BRINP3: variants seen among roughly 807,000 people sequenced by gnomAD.
BRINP3 encodes BMP/retinoic acid-inducible neural-specific protein 3.
A neutral mutation model predicts 71.0 loss-of-function variants in BRINP3; 19 were observed. The ratio of observed to expected loss-of-function variants is 0.27; its 90% CI spans 0.19 to 0.39. BRINP3 has a LOEUF of 0.39. Ranked by LOEUF, BRINP3 falls within the 10% of genes least tolerant of loss-of-function variation. The probability of loss-of-function intolerance (pLI) is 1.00; values close to 1 mark genes in which losing one functional copy is unlikely to be tolerated. For missense variants in BRINP3, 959 were observed against 940.8 expected, an observed-to-expected ratio of 1.02 and a Z score of -0.25; for synonymous variants, 380 against 337.7, an observed-to-expected ratio of 1.13 and a Z score of -1.37.
intron 4 of BRINP3, among the ~76,000 whole-genome samples, chr1:190,260,792 A>T (rs1661120526): frequency 6.6e-6 from 1 of 152,124 alleles, no homozygotes; most frequent in Non-Finnish European, 1.5e-5. Context: ...TTAACTATGC[A>T]GCAGTAAAAA....
At chr1:190,285,548 G>A (rs867225019) in intron 2 of BRINP3, among the ~76,000 whole-genome samples, 3 of 152,004 alleles carry the variant, frequency 2.0e-5, no homozygotes, top group Non-Finnish European at 4.4e-5. Context: ...GCAGTGAACC[G>A]AGATCATGCC....
intron 2 of BRINP3, among the ~76,000 whole-genome samples, chr1:190,422,116 T>C (rs1198765884): frequency 6.6e-6 from 1 of 151,786 alleles, no homozygotes; most frequent in Admixed American, 6.6e-5. Flanking sequence ...TAACATTTTT[T>C]TTACATCTCA....
At chr1:190,193,959 T>A (rs1444464053) in intron 6 of BRINP3, among the ~76,000 whole-genome samples, 1 of 152,092 alleles carries the variant, frequency 6.6e-6, no homozygotes, top group Admixed American at 6.6e-5. Flanking sequence ...CCTCCGGTAT[T>A]TTCCACTAAC....
intron 2 of BRINP3, among the ~76,000 whole-genome samples, chr1:190,447,951 A>C (rs985349496): frequency 2.0e-5 from 3 of 151,696 alleles, no homozygotes; most frequent in Non-Finnish European, 3.0e-5. Flanking sequence ...CACAAGAGAT[A>C]CCTCAAACGT....
chr1:190,409,345 G>T (rs1335816654), intron 2 of BRINP3, among the ~76,000 whole-genome samples: 2 of 152,180 alleles, frequency 1.3e-5, no homozygotes, highest in East Asian at 1.9e-4. Context: ...AATGCCTGTA[G>T]GTTAAAAAAT....
chr1:190,317,909 T>C (rs1427205253), intron 2 of BRINP3, among the ~76,000 whole-genome samples: 1 of 152,150 alleles, frequency 6.6e-6, no homozygotes, highest in East Asian at 1.9e-4. Flanking sequence ...AATAAATTTA[T>C]CTGTTACATG....
intron 4 of BRINP3, among the ~76,000 whole-genome samples, chr1:190,258,518 A>C (rs1407950907): frequency 6.6e-6 from 1 of 152,240 alleles, no homozygotes; most frequent in African/African-American, 2.4e-5. Flanking sequence ...TGATTGATCA[A>C]GATAAAAAGA....
At chr1:190,207,000 T>G (rs888113167) in intron 6 of BRINP3, among the ~76,000 whole-genome samples, 1 of 150,932 alleles carries the variant, frequency 6.6e-6, no homozygotes, top group African/African-American at 2.4e-5. Context: ...TTTTTTGTTT[T>G]TTTTTTTCAG....
At chr1:190,463,147 G>A (rs1782550) in intron 1 of BRINP3, among the ~76,000 whole-genome samples, 91,813 of 151,488 alleles carry the variant, frequency 0.61, 28,419 homozygotes, top group Non-Finnish European at 0.67. Context: ...GATTAATCCA[G>A]TAGGCTTTGA....
At chr1:190,264,628 A>G (rs923906815) in intron 4 of BRINP3, among the ~76,000 whole-genome samples, 1 of 152,202 alleles carries the variant, frequency 6.6e-6, no homozygotes, top group Non-Finnish European at 1.5e-5. Context: ...ATTCAAATAT[A>G]CTTTAATTAC....
At chr1:190,163,579 T>G (rs1349844374) in intron 6 of BRINP3, among the ~76,000 whole-genome samples, 1 of 150,142 alleles carries the variant, frequency 6.7e-6, no homozygotes, top group Non-Finnish European at 1.5e-5. Context: ...AGTCACAGTC[T>G]TCTTAAAACT....
chr1:190,239,112 G>A (rs1049982670), intron 4 of BRINP3, among the ~76,000 whole-genome samples: 4 of 152,022 alleles, frequency 2.6e-5, no homozygotes, highest in African/African-American at 9.7e-5. Context: ...ACTATCACGA[G>A]AACAGTTTGG....
intron 6 of BRINP3, among the ~76,000 whole-genome samples, chr1:190,177,226 G>T (rs112839698): frequency 7.0e-6 from 1 of 142,716 alleles, no homozygotes; most frequent in South Asian, 2.2e-4. Context: ...GCAGTGGCGC[G>T]GTCTCCACTC....
At chr1:190,301,812 A>G (rs1015262964) in intron 2 of BRINP3, among the ~76,000 whole-genome samples, 4 of 152,038 alleles carry the variant, frequency 2.6e-5, no homozygotes, top group Middle Eastern at 3.2e-3. Context: ...CAGTAAAACC[A>G]AGCATTATTT....
intron 2 of BRINP3, among the ~76,000 whole-genome samples, chr1:190,366,821 C>A (rs1669536511): frequency 6.6e-6 from 1 of 152,136 alleles, no homozygotes; most frequent in African/African-American, 2.4e-5. Flanking sequence ...CATTAAATTT[C>A]CAAAATGATT....
chr1:190,188,668 T>A (rs1038612805), intron 6 of BRINP3, among the ~76,000 whole-genome samples: 1 of 152,218 alleles, frequency 6.6e-6, no homozygotes, highest in Non-Finnish European at 1.5e-5. Flanking sequence ...TGCTTTGTAT[T>A]GTTTGGATTA....
At chr1:190,276,116 C>T (rs1438943206) in intron 3 of BRINP3, among the ~76,000 whole-genome samples, 4 of 151,564 alleles carry the variant, frequency 2.6e-5, no homozygotes, top group East Asian at 3.9e-4. Context: ...GGATAGGAAT[C>T]TTCAAAAATA....
intron 2 of BRINP3, among the ~76,000 whole-genome samples, chr1:190,307,249 T>G (rs1454050381): frequency 7.0e-6 from 1 of 143,256 alleles, no homozygotes; most frequent in Non-Finnish European, 1.5e-5. Context: ...GCTCCTCATT[T>G]AAAACATTGT....
chr1:190,142,015 A>G (rs1316426284), intron 7 of BRINP3, among the ~76,000 whole-genome samples: 1 of 152,178 alleles, frequency 6.6e-6, no homozygotes, highest in East Asian at 1.9e-4. Flanking sequence ...AAAAACATAT[A>G]TAAAATAAAA....
Sources: gnomAD v4.1 joint callset for allele counts (sites outside exome capture counted in the v4.1 genomes callset) on GRCh38, gnomAD v4.1.1 for gene constraint, MANE v1.5 for transcripts, NCBI Gene and HGNC (gene_info 2026-07-23, HGNC 2026-07-21) for gene names.